The following TMEM135 variants were observed in gnomAD, a reference collection of about 807,000 sequenced individuals.
TMEM135 encodes the protein transmembrane protein 135.
Under a neutral mutation model 60.3 loss-of-function variants are expected in TMEM135, and 30 were observed. That is an observed-to-expected ratio of 0.50 (90% CI 0.37 to 0.68). The LOEUF is 0.68. TMEM135 is among the 30% of genes least tolerant of loss of function. The pLI, the probability that TMEM135 is intolerant of heterozygous loss-of-function variation, is 0.00. For missense variants in TMEM135, 468 were observed against 548.8 expected (o/e 0.85, Z 1.47); for synonymous variants, 190 against 186.7 (o/e 1.02, Z -0.14).
In TMEM135 at chr11:87,321,615, A is replaced by G. The variant is rs1186576530; in HGVS notation, c.*282A>G. ...ATTATGTCCACAAGCAATATTATAT[A>G]ATCTACGTAGAAGTGTAATAACAAA... On this transcript the variant is annotated 3_prime_UTR_variant, in exon 15 of 15. Transcript: ENST00000305494. 1 of 572,832 alleles carries G rather than the reference A, an allele frequency of 1.7e-6. No homozygotes were observed. The allele number at this position is 572,832 out of a possible 1,614,324, so 35.5% of individuals were successfully genotyped here. A position where few individuals can be genotyped will look rare whatever the true frequency, so the allele number is the denominator to read the frequency against.
intron 14 of TMEM135, among the ~76,000 whole-genome samples, chr11:87,319,914 C>A (rs1942792051): frequency 6.6e-6 from 1 of 152,146 alleles, no homozygotes; most frequent in African/African-American, 2.4e-5. Context: ...AGCTCTGCTA[C>A]CTTCAGCTGT....
chr11:87,105,861 G>C (rs1857581942), intron 4 of TMEM135, among the ~76,000 whole-genome samples: 1 of 152,040 alleles, frequency 6.6e-6, no homozygotes, highest in Non-Finnish European at 1.5e-5. Context: ...CTGTGCTATA[G>C]AACACTAGAA....
intron 4 of TMEM135, among the ~76,000 whole-genome samples, chr11:87,099,682 G>GTTTTTTTTTTTTTT (rs57019125): frequency 5.5e-5 from 6 of 109,380 alleles, no homozygotes; most frequent in Non-Finnish European, 9.2e-5. Flanking sequence ...TTTCATGGTG[G>GTTTTTTTTTTTTTT]TTTTTTTTTT....
At chr11:87,295,266 C>G (rs1304313032) in intron 6 of TMEM135, among the ~76,000 whole-genome samples, 1 of 152,178 alleles carries the variant, frequency 6.6e-6, no homozygotes, top group African/African-American at 2.4e-5. Context: ...GTGATCTGTT[C>G]TAATTGGGCT....
intron 4 of TMEM135, among the ~76,000 whole-genome samples, chr11:87,126,010 C>T (rs1937715020): frequency 6.6e-6 from 1 of 152,038 alleles, no homozygotes; most frequent in Non-Finnish European, 1.5e-5. Context: ...TCTCACTCAC[C>T]CCTTCTTGTT....
At chr11:87,095,301 G>A (rs1231539916) in intron 4 of TMEM135, 2 of 198,162 alleles carry the variant, frequency 1.0e-5, no homozygotes, top group African/African-American at 2.3e-5. Context: ...AATTAAGAAA[G>A]TGTTGCCTAT....
At chr11:87,269,614 C>G (rs112349294) in intron 6 of TMEM135, among the ~76,000 whole-genome samples, 1 of 150,968 alleles carries the variant, frequency 6.6e-6, no homozygotes, top group African/African-American at 2.4e-5. Context: ...TTTGTCCTTG[C>G]GATAGTTTAT....
At chr11:87,209,953 TA>T (rs1345569397) in intron 5 of TMEM135, among the ~76,000 whole-genome samples, 3 of 151,734 alleles carry the variant, frequency 2.0e-5, no homozygotes, top group East Asian at 3.9e-4. Flanking sequence ...AAGGCAGAAA[TA>T]AAAAAAATTA....
At chr11:87,088,452 A>G (rs537071044) in intron 3 of TMEM135, among the ~76,000 whole-genome samples, 4 of 152,350 alleles carry the variant, frequency 2.6e-5, no homozygotes, top group African/African-American at 9.6e-5. Context: ...GAAAGAAACA[A>G]ATATTCTCCA....
Position 87,302,460 on chromosome 11 carries a change from A to T in TMEM135, c.698+18A>T. The T allele has an allele frequency of 6.2e-7, 1 of 1,613,668 alleles. No homozygotes were observed. Among genetic ancestry groups the T allele is most frequent in the Non-Finnish European group, 8.5e-7 (1 of 1,179,764 alleles). On this transcript the variant is annotated intron_variant, in intron 8 of 14. Coordinates refer to ENST00000305494, the MANE Select transcript of TMEM135 (RefSeq NM_022918.4). ...GATTCAATGTGAGCTCTTTATCTTG[A>T]TATTTTAACCTGCTTTGTCACTGTT...
intron 5 of TMEM135, among the ~76,000 whole-genome samples, chr11:87,229,744 G>C (rs1565494162): frequency 6.6e-6 from 1 of 152,064 alleles, no homozygotes. Context: ...AAATTGAAAA[G>C]TATATGTCTT....
At chr11:87,171,439 C>G (rs928993736) in intron 5 of TMEM135, among the ~76,000 whole-genome samples, 1 of 151,824 alleles carries the variant, frequency 6.6e-6, no homozygotes. Context: ...TTCTGTCTCC[C>G]AACTGGAGTA....
chr11:87,064,867 A>G (rs1381115653), intron 1 of TMEM135, among the ~76,000 whole-genome samples: 1 of 152,214 alleles, frequency 6.6e-6, no homozygotes, highest in Non-Finnish European at 1.5e-5. Flanking sequence ...CCTGGGCAAC[A>G]GAGCGAGACT....
chr11:87,086,746 T>C (rs907865786), intron 3 of TMEM135, among the ~76,000 whole-genome samples: 1 of 152,142 alleles, frequency 6.6e-6, no homozygotes, highest in African/African-American at 2.4e-5. Context: ...TGGGGATTAA[T>C]TGGAGGAAAG....
chr11:87,072,474 G>T (rs1403798685), intron 3 of TMEM135, among the ~76,000 whole-genome samples: 1 of 151,930 alleles, frequency 6.6e-6, no homozygotes, highest in East Asian at 1.9e-4. Flanking sequence ...TCCGCCTCCC[G>T]AGTTCAAGCA....
chr11:87,320,107 A>G (rs1161368986), intron 14 of TMEM135, among the ~76,000 whole-genome samples: 1 of 152,186 alleles, frequency 6.6e-6, no homozygotes, highest in Non-Finnish European at 1.5e-5. Context: ...AGTGCTGACA[A>G]TGTCCAACAT....
intron 4 of TMEM135, among the ~76,000 whole-genome samples, chr11:87,135,118 A>G (rs1358349119): frequency 3.3e-5 from 5 of 152,094 alleles, no homozygotes; most frequent in Non-Finnish European, 5.9e-5. Flanking sequence ...AGAGCTCTTT[A>G]TATATTCTGG....
intron 4 of TMEM135, chr11:87,121,290 T>G (rs1042866172): frequency 1.3e-5 from 2 of 152,208 alleles, no homozygotes; most frequent in African/African-American, 4.8e-5. Flanking sequence ...TGTACACCTA[T>G]GTACCAGTTT....
chr11:87,070,401 T>C (rs563015161), intron 2 of TMEM135, among the ~76,000 whole-genome samples: 12 of 152,174 alleles, frequency 7.9e-5, no homozygotes, highest in African/African-American at 2.9e-4. Context: ...TCCCAGCACT[T>C]TGGGGGGCCG....
Sources: allele counts gnomAD v4.1 joint callset (sites outside exome capture counted in the v4.1 genomes callset), GRCh38; gene constraint gnomAD v4.1.1; transcripts MANE v1.5; gene names NCBI Gene and HGNC (gene_info 2026-07-23, HGNC 2026-07-21).